YAF2: variants seen among roughly 807,000 people sequenced by gnomAD.
YAF2 encodes the protein YY1 associated factor 2.
Under a neutral mutation model 20.1 loss-of-function variants are expected in YAF2, and 7 were observed. The ratio of observed to expected loss-of-function variants is 0.35; its 90% CI spans 0.20 to 0.65. The LOEUF is 0.65. YAF2 is among the 30% of genes least tolerant of loss of function. YAF2 has a pLI of 0.69. For synonymous variants in YAF2, 74 were observed against 76.0 expected (o/e 0.97, Z 0.14); for missense variants, 151 against 219.2 (o/e 0.69, Z 1.96).
Position 42,158,940 on chromosome 12 carries a change from G to C in YAF2, c.*1649C>G, listed in dbSNP as rs2065748898. 1 of 152,092 alleles carries C rather than the reference G, an allele frequency of 6.6e-6. No individual in the cohort carries two copies. Among genetic ancestry groups the C allele is most frequent in the African/African-American group, 2.4e-5 (1 of 41,436 alleles). The allele number at this position is 152,092 out of a possible 1,614,324, so 9.4% of individuals were successfully genotyped here. A position where few individuals can be genotyped will look rare whatever the true frequency, so the allele number is the denominator to read the frequency against. The stretch of plus-strand genomic sequence containing the variant: ...AACAGAATAAGACAAAAAAATTCAT[G>C]TTTTAAAGGAACATATCTGGTTAGC... On this transcript the variant is annotated 3_prime_UTR_variant, in exon 4 of 4. Coordinates refer to ENST00000534854, the MANE Select transcript of YAF2 (RefSeq NM_005748.6).
chr12:42,162,695 C>T (rs1288304717), intron 2 of YAF2, among the ~76,000 whole-genome samples: 1 of 152,014 alleles, frequency 6.6e-6, no homozygotes, highest in Non-Finnish European at 1.5e-5. Context: ...TCTCCTGTTC[C>T]TCTATGGCAA....
chr12:42,228,253 T>C, intron 2 of YAF2, among the ~76,000 whole-genome samples: 1 of 45,666 alleles, frequency 2.2e-5, no homozygotes, highest in Non-Finnish European at 3.7e-5. Flanking sequence ...GGTGGGGGTG[T>C]CGGCCCCCCG....
chr12:42,217,195 A>G (rs1039695006), intron 2 of YAF2, among the ~76,000 whole-genome samples: 3 of 152,248 alleles, frequency 2.0e-5, no homozygotes, highest in Non-Finnish European at 4.4e-5. Flanking sequence ...AAAACTGCTA[A>G]TAATTGAACA....
intron 2 of YAF2, among the ~76,000 whole-genome samples, chr12:42,228,126 C>T (rs1479406838): frequency 1.6e-4 from 13 of 82,526 alleles, no homozygotes; most frequent in South Asian, 1.1e-3. Context: ...CCCGGCCAGC[C>T]GCCCCGTCCG....
chr12:42,171,083 C>T (rs762184937), intron 2 of YAF2, among the ~76,000 whole-genome samples: 13 of 152,048 alleles, frequency 8.5e-5, no homozygotes, highest in Non-Finnish European at 1.5e-4. Context: ...ACCTCCGTCT[C>T]CTGGGTTCAA....
At chr12:42,223,127 A>G (rs1298880076) in intron 2 of YAF2, among the ~76,000 whole-genome samples, 2 of 152,110 alleles carry the variant, frequency 1.3e-5, no homozygotes, top group Non-Finnish European at 2.9e-5. Flanking sequence ...CACAGAATTA[A>G]TATTAGAGCC....
chr12:42,229,685 G>A (rs1179020664), intron 2 of YAF2, among the ~76,000 whole-genome samples: 1 of 152,172 alleles, frequency 6.6e-6, no homozygotes, highest in Non-Finnish European at 1.5e-5. Flanking sequence ...AACCTAGATG[G>A]TACAGCCTAC....
intron 2 of YAF2, among the ~76,000 whole-genome samples, chr12:42,216,874 C>T (rs1341131427): frequency 6.6e-6 from 1 of 152,198 alleles, no homozygotes; most frequent in African/African-American, 2.4e-5. Context: ...CTGCTTAAGC[C>T]AGAATCCTGA....
intron 2 of YAF2, chr12:42,231,736 A>G (rs983919917): frequency 6.6e-6 from 1 of 152,228 alleles, no homozygotes; most frequent in East Asian, 1.9e-4. Flanking sequence ...CATTGATACC[A>G]CCACTAATCT....
chr12:42,231,373 T>C (rs2067979706), intron 2 of YAF2: 1 of 152,204 alleles, frequency 6.6e-6, no homozygotes. Context: ...TTCAATTTGT[T>C]GCAATATGTT....
At chr12:42,225,693 C>A (rs138732051) in intron 2 of YAF2, among the ~76,000 whole-genome samples, 54 of 152,160 alleles carry the variant, frequency 3.5e-4, no homozygotes, top group African/African-American at 1.2e-3. Context: ...GTTGTAGATA[C>A]GTGGTGTTAT....
At position 42,182,737 on chromosome 12, in the gene YAF2, C is replaced by T. The variant is rs189461908; in HGVS notation, c.153-20972G>A. On this transcript the variant is annotated intron_variant, in intron 2 of 3. Transcript: ENST00000534854. Reference sequence around the variant, plus strand: ...TTATTGAATATATTGAATTTTCCATCTTAATATAAACTGGCTATTGCAGGA... The same window carrying T: ...TTATTGAATATATTGAATTTTCCATTTTAATATAAACTGGCTATTGCAGGA... Among the ~76,000 whole-genome samples, 424 of 152,262 alleles carry T rather than the reference C, an allele frequency of 2.8e-3. 1 individual carries two copies. The highest frequency in any genetic ancestry group is 4.5e-3 in the Non-Finnish European group (308 of 68,020).
At chr12:42,235,342 G>A (rs2068114646) in intron 2 of YAF2, 1 of 1,012,040 alleles carries the variant, frequency 9.9e-7, no homozygotes, top group African/African-American at 1.7e-5. Flanking sequence ...ACACCGTTCT[G>A]CAGTCCTTTA....
Position 42,214,002 on chromosome 12 carries a change from T to C in YAF2, c.152+23597A>G, listed in dbSNP as rs548084110. Among the ~76,000 whole-genome samples the C allele has an allele frequency of 5.9e-5, 9 of 152,322 alleles. No individual in the cohort carries two copies. In the East Asian group the frequency reaches 1.5e-3, roughly 26 times the overall value. ...CCCAACTAGTCTTTCTATTTACACA[T>C]TCCTGCAGCCTGCCAGTCCATTCTC... On this transcript the variant is annotated intron_variant, in intron 2 of 3. Transcript: ENST00000534854.
intron 2 of YAF2, among the ~76,000 whole-genome samples, chr12:42,206,172 C>A (rs1301772457): frequency 6.6e-6 from 1 of 151,550 alleles, no homozygotes; most frequent in Non-Finnish European, 1.5e-5. Flanking sequence ...TTCTATTTTA[C>A]CCATTTATTG....
At chr12:42,192,310 C>G (rs1406903361) in intron 2 of YAF2, among the ~76,000 whole-genome samples, 2 of 152,104 alleles carry the variant, frequency 1.3e-5, no homozygotes, top group Admixed American at 1.3e-4. Context: ...GAGATCAAGA[C>G]CAGCCTGGGC....
At chr12:42,214,713 A>G (rs537906930) in intron 2 of YAF2, among the ~76,000 whole-genome samples, 4 of 151,972 alleles carry the variant, frequency 2.6e-5, no homozygotes, top group African/African-American at 9.6e-5. Context: ...CTTAAATTCC[A>G]TGAGAGCTGG....
chr12:42,173,038 G>A (rs1054844543), intron 2 of YAF2, among the ~76,000 whole-genome samples: 2 of 152,074 alleles, frequency 1.3e-5, no homozygotes, highest in Non-Finnish European at 2.9e-5. Flanking sequence ...ATGAGAGAGG[G>A]AGAGAGAGAC....
rs1488048968 is a variant in YAF2 at position 42,234,589 on chromosome 12, T to C, written c.152+3010A>G. 4.1e-6 allele frequency: 4 copies of C among 985,306 alleles called. No homozygotes were observed. In the South Asian group the frequency reaches 1.4e-4, roughly 35 times the overall value. 61.0% of individuals were successfully genotyped at this position (985,306 alleles called of 1,614,324 possible). On this transcript the variant is annotated intron_variant, in intron 2 of 3. Coordinates refer to ENST00000534854, the MANE Select transcript of YAF2 (RefSeq NM_005748.6). ...ATGCCATGAATGTAACTTCGTTCTC[T>C]AGAAAGACATGACCTACCATGGATA...
Sources: allele counts gnomAD v4.1 joint callset (sites outside exome capture counted in the v4.1 genomes callset), GRCh38; gene constraint gnomAD v4.1.1; transcripts MANE v1.5; gene names NCBI Gene and HGNC (gene_info 2026-07-23, HGNC 2026-07-21).